VPS45: variants seen among roughly 807,000 people sequenced by gnomAD.
The protein encoded by VPS45 is vacuolar protein sorting 45 homolog.
Under a neutral mutation model 75.9 loss-of-function variants are expected in VPS45, and 35 were observed. The observed-to-expected ratio is 0.46, with a 90% CI of 0.35 to 0.61. The LOEUF (loss-of-function observed/expected upper bound fraction) is 0.61, where lower values mean the gene tolerates loss of function less well. Ranked by LOEUF, VPS45 falls within the 20% of genes least tolerant of loss-of-function variation. VPS45 has a pLI of 0.00. For synonymous variants in VPS45, 220 were observed against 238.2 expected, an observed-to-expected ratio of 0.92 and a Z score of 0.70; for missense variants, 559 against 685.9, an observed-to-expected ratio of 0.81 and a Z score of 2.07.
chr1:150,098,386 T>C (rs1230094242), intron 13 of VPS45, among the ~76,000 whole-genome samples: 2 of 152,246 alleles, frequency 1.3e-5, no homozygotes, highest in African/African-American at 4.8e-5. Flanking sequence ...GCATCTCTTC[T>C]AGTTGATATG....
chr1:150,093,037 G>A (rs111729037), intron 12 of VPS45, among the ~76,000 whole-genome samples: 3,267 of 151,106 alleles, frequency 0.022, 112 homozygotes, highest in African/African-American at 0.074. Context: ...TAGTAGAGAT[G>A]GGGTTTCACC....
intron 14 of VPS45, among the ~76,000 whole-genome samples, chr1:150,139,375 T>C (rs1305463701): frequency 6.6e-6 from 1 of 152,176 alleles, no homozygotes; most frequent in African/African-American, 2.4e-5. Context: ...CCTTGATCCC[T>C]TTGCACTTGC....
chr1:150,092,326 G>C lies in VPS45; in HGVS notation c.1288G>C (p.Gly430Arg). 1.9e-6 allele frequency: 3 copies of C among 1,614,086 alleles called. No homozygotes were observed. Among genetic ancestry groups the C allele is most frequent in the Non-Finnish European group, 2.5e-6 (3 of 1,180,010 alleles). Residue 430 changes from glycine to arginine, a missense_variant, in exon 12 of 15, where the codon GGT (glycine) becomes CGT (arginine). Gly to Arg is a moderately radical substitution (Grantham distance 125). Coordinates refer to ENST00000644510, the MANE Select transcript of VPS45 (RefSeq NM_007259.5). ...GCTCGTGTCTGCAGTTGTTGAATAT[G>C]GTGGTAAACGAGTCAGAGGAAGTGA... ...RKLVSAVVEY[G>R]GKRVRGSDLF...
intron 13 of VPS45, among the ~76,000 whole-genome samples, chr1:150,102,453 G>A (rs1212281642): frequency 6.6e-6 from 1 of 151,608 alleles, no homozygotes; most frequent in Non-Finnish European, 1.5e-5. Context: ...GGAGGCTGAG[G>A]CAGGAGGACT....
At chr1:150,069,557 C>A (rs1654920744) in intron 2 of VPS45, among the ~76,000 whole-genome samples, 1 of 147,094 alleles carries the variant, frequency 6.8e-6, no homozygotes, top group South Asian at 2.1e-4. Flanking sequence ...CCCGGGTTCA[C>A]GCCATTCTCC....
intron 14 of VPS45, among the ~76,000 whole-genome samples, chr1:150,111,503 A>G (rs1394098707): frequency 6.6e-6 from 1 of 152,150 alleles, no homozygotes; most frequent in Non-Finnish European, 1.5e-5. Flanking sequence ...GAAAGTAGTG[A>G]TTACAAGAAA....
At chr1:150,105,700 G>A (rs188708515) in intron 13 of VPS45, among the ~76,000 whole-genome samples, 98 of 152,268 alleles carry the variant, frequency 6.4e-4, no homozygotes, top group Middle Eastern at 3.4e-3. Context: ...GCAATCTACA[G>A]ATTCAACACA....
At chr1:150,075,874 C>T (rs1393449828) in intron 3 of VPS45, among the ~76,000 whole-genome samples, 2 of 151,394 alleles carry the variant, frequency 1.3e-5, no homozygotes, top group Admixed American at 6.6e-5. Context: ...CTCAGCCTCC[C>T]GAGTAGCTGG....
intron 14 of VPS45, among the ~76,000 whole-genome samples, chr1:150,119,504 T>G (rs1038597836): frequency 4.6e-5 from 7 of 152,196 alleles, no homozygotes; most frequent in African/African-American, 1.7e-4. Context: ...TCAAGAGCTC[T>G]GCAGCACAGA....
At position 150,089,424 on chromosome 1, in the gene VPS45, A is replaced by G. The variant is rs966485760; in HGVS notation, c.1105-2513A>G. On this transcript the variant is annotated intron_variant, in intron 10 of 14. Transcript: ENST00000644510. ...CCCAGGCTGGAGTACTGTGGCACGT[A>G]ATCTCGGCTCACTGCAACCTCCGCC... is the stretch of plus-strand genomic sequence containing the variant. Among the ~76,000 whole-genome samples the G allele has an allele frequency of 4.6e-5, 7 of 152,130 alleles. No homozygotes were observed. The East Asian group carries it at 1.4e-3, about 29-fold the overall frequency.
chr1:150,077,289 A>G lies in VPS45; in HGVS notation c.576+58A>G, dbSNP rs1655447939. 3.2e-6 allele frequency: 5 copies of G among 1,565,926 alleles called. 1 individual carries two copies. The highest frequency in any genetic ancestry group is 4.0e-5 in the Admixed American group (2 of 50,364). The stretch of plus-strand genomic sequence containing the variant: ...TAAAGGCCATTCATTTCTCTATCAT[A>G]TTTCAGAAACTAAAGGAATAGTTTA... On this transcript the variant is annotated intron_variant, in intron 6 of 14. Transcript: ENST00000644510.
At chr1:150,142,899 C>G (rs781842865) in intron 14 of VPS45, 2 of 449,230 alleles carry the variant, frequency 4.5e-6, no homozygotes, top group Non-Finnish European at 8.9e-6. Context: ...GCGATCCACC[C>G]GCCTCAGCCT....
At chr1:150,126,830 A>C (rs1033957118) in intron 14 of VPS45, among the ~76,000 whole-genome samples, 1 of 152,180 alleles carries the variant, frequency 6.6e-6, no homozygotes, top group African/African-American at 2.4e-5. Context: ...GCCAGGCATC[A>C]TGGTACGCAC....
At chr1:150,127,723 A>G (rs1658592321) in intron 14 of VPS45, among the ~76,000 whole-genome samples, 1 of 152,254 alleles carries the variant, frequency 6.6e-6, no homozygotes, top group Non-Finnish European at 1.5e-5. Context: ...GTCTGTTTCC[A>G]GTATGAGTAC....
chr1:150,140,518 C>G (rs1261625755), intron 14 of VPS45, among the ~76,000 whole-genome samples: 1 of 151,232 alleles, frequency 6.6e-6, no homozygotes, highest in African/African-American at 2.4e-5. Context: ...TTATTATTAA[C>G]TACTAATTAA....
chr1:150,074,048 T>C (rs1553797569), intron 3 of VPS45, among the ~76,000 whole-genome samples: 1 of 149,612 alleles, frequency 6.7e-6, no homozygotes, highest in Non-Finnish European at 1.5e-5. Context: ...GCAGTCTTGC[T>C]TTGTCACCCA....
chr1:150,144,945 GAC>G lies in VPS45; in HGVS notation c.*153_*154del, dbSNP rs782231625. 17 of 1,537,658 alleles carry G rather than the reference GAC, an allele frequency of 1.1e-5. 1 individual carries two copies. In the South Asian group the frequency reaches 1.9e-4, roughly 17 times the overall value. ...AGCCCACGGATACGTGGTTGGCACA[GAC>G]ACAAGACTCCCAGAGTTGTCCTAAC... is the stretch of plus-strand genomic sequence containing the variant. On this transcript the variant is annotated 3_prime_UTR_variant, in exon 15 of 15. Transcript: ENST00000644510.
At position 150,142,728 on chromosome 1, in the gene VPS45, C is replaced by G. The variant is rs782637520; in HGVS notation, c.1626-1981C>G. The G allele has an allele frequency of 1.1e-4, 37 of 345,846 alleles. 2 individuals are homozygous for G. Among genetic ancestry groups the G allele is most frequent in the South Asian group, 7.5e-4 (35 of 46,480 alleles). The allele number at this position is 345,846 out of a possible 1,614,324, so 21.4% of individuals were successfully genotyped here. ...TCGCCCAGGTTGGAGTGCAATGGCACAATCTTGGCTCACTGCAACCTCTGC... is the reference window on the plus strand; with the variant it reads ...TCGCCCAGGTTGGAGTGCAATGGCAGAATCTTGGCTCACTGCAACCTCTGC... On this transcript the variant is annotated intron_variant, in intron 14 of 14. Coordinates refer to ENST00000644510, the MANE Select transcript of VPS45 (RefSeq NM_007259.5).
chr1:150,101,893 C>T (rs1252425845), intron 13 of VPS45, among the ~76,000 whole-genome samples: 1 of 152,096 alleles, frequency 6.6e-6, no homozygotes, highest in Non-Finnish European at 1.5e-5. Context: ...TTTGACCTAG[C>T]AATCCCATTA....
Sources: allele counts gnomAD v4.1 joint callset (sites outside exome capture counted in the v4.1 genomes callset), GRCh38; gene constraint gnomAD v4.1.1; transcripts MANE v1.5; gene names NCBI Gene and HGNC (gene_info 2026-07-23, HGNC 2026-07-21).